Variants in ITCH observed in about 807,000 individuals in gnomAD.
ITCH encodes the protein itchy E3 ubiquitin protein ligase, also known as E3 ubiquitin-protein ligase Itchy homolog.
A neutral mutation model predicts 126.8 loss-of-function variants in ITCH; 28 were observed. The ratio of observed to expected loss-of-function variants is 0.22; its 90% CI spans 0.16 to 0.30. The LOEUF is 0.30. Among genes scored for constraint, ITCH ranks in the 10% least tolerant of loss-of-function variants. The pLI is 1.00. For synonymous variants in ITCH, 342 were observed against 340.0 expected (o/e 1.01, Z -0.06); for missense variants, 631 against 1,032.4 (o/e 0.61, Z 5.33).
At chr20:34,467,047 A>G (rs1472381933) in intron 14 of ITCH, among the ~76,000 whole-genome samples, 3 of 152,184 alleles carry the variant, frequency 2.0e-5, no homozygotes, top group Non-Finnish European at 4.4e-5. Flanking sequence ...ACCTATAGAG[A>G]AAAAAAGAGG....
At chr20:34,495,294 A>AAAATAT (rs1555885664) in intron 23 of ITCH, among the ~76,000 whole-genome samples, 1 of 120,528 alleles carries the variant, frequency 8.3e-6, no homozygotes, top group African/African-American at 3.1e-5. Context: ...AAATAAATAA[A>AAAATAT]ATATATATAT....
intron 24 of ITCH, 44 bp from the exon 25 acceptor site, chr20:34,507,651 C>A: frequency 6.9e-7 from 1 of 1,451,780 alleles, no homozygotes; most frequent in Non-Finnish European, 9.7e-7. Context: ...TCATTTGATT[C>A]TTTGCATATT....
chr20:34,488,300 A>T (rs368860069), intron 20 of ITCH, among the ~76,000 whole-genome samples: 1 of 152,024 alleles, frequency 6.6e-6, no homozygotes, highest in East Asian at 1.9e-4. Flanking sequence ...TTTGAAGGAT[A>T]TTGTCACTAG....
At chr20:34,383,362 ATTTT>A (rs34783163) in intron 2 of ITCH, among the ~76,000 whole-genome samples, 4 of 109,462 alleles carry the variant, frequency 3.7e-5, no homozygotes, top group East Asian at 2.8e-4. Flanking sequence ...GGCTTGATAG[ATTTT>A]TTTTTTTTTT....
intron 20 of ITCH, among the ~76,000 whole-genome samples, chr20:34,487,005 T>C (rs1396684038): frequency 6.8e-6 from 1 of 147,422 alleles, no homozygotes; most frequent in Non-Finnish European, 1.5e-5. Flanking sequence ...TTAAAAGTAT[T>C]TGTTAGGTTT....
intron 12 of ITCH, 41 bp from the exon 13 acceptor site, chr20:34,457,349 T>A (rs1266886676): frequency 1.2e-5 from 16 of 1,296,830 alleles, no homozygotes; most frequent in Non-Finnish European, 1.8e-5. Flanking sequence ...ACTATGCCAA[T>A]GCTAATGCTT....
rs1978770752 is a variant in ITCH, at chr20:34,511,207, C to G, written c.*3413C>G. ...CATTAACTAAAAATGGAATTGGCAG[C>G]ACTGGATTGTATATTACTGTATTAA... is the stretch of plus-strand genomic sequence containing the variant. On this transcript the variant is annotated 3_prime_UTR_variant, in exon 25 of 25. Transcript: ENST00000374864. 6.6e-6 allele frequency: 1 copy of G among 152,094 alleles called. No homozygotes were observed. The highest frequency in any genetic ancestry group is 2.4e-5 in the African/African-American group (1 of 41,404). The allele number at this position is 152,094 out of a possible 1,614,324, so 9.4% of individuals were successfully genotyped here.
In ITCH at chr20:34,477,760, A is replaced by T. The variant is rs1988373946; in HGVS notation, c.1570-12A>T. The T allele has an allele frequency of 1.3e-6, 2 of 1,591,962 alleles. No individual in the cohort carries two copies. The highest frequency in any genetic ancestry group is 1.7e-6 in the Non-Finnish European group (2 of 1,162,628). On this transcript the variant is annotated splice_polypyrimidine_tract_variant and intron_variant, in intron 16 of 24. Coordinates refer to ENST00000374864, the MANE Select transcript of ITCH (RefSeq NM_031483.7). ...CTTTTTTCACCAATTATTTTACTTT[A>T]TTTTTTTTTAGATAATGAGCTTCAG... is the stretch of plus-strand genomic sequence containing the variant.
intron 20 of ITCH, among the ~76,000 whole-genome samples, chr20:34,483,459 A>G (rs566496155): frequency 2.6e-4 from 39 of 152,288 alleles, no homozygotes; most frequent in Non-Finnish European, 4.1e-4. Context: ...CTCAAGTACA[A>G]TCGTCTCTCT....
chr20:34,376,449 A>AAAATAAATAAAT (rs772320833), intron 2 of ITCH, among the ~76,000 whole-genome samples: 3 of 151,492 alleles, frequency 2.0e-5, no homozygotes, highest in South Asian at 2.1e-4. Flanking sequence ...CCGTGTCTCA[A>AAAATAAATAAAT]AAATAAATAC....
At chr20:34,414,711 C>A (rs969803051) in intron 6 of ITCH, among the ~76,000 whole-genome samples, 16 of 151,922 alleles carry the variant, frequency 1.1e-4, no homozygotes, top group Non-Finnish European at 2.1e-4. Context: ...AACTCTTGAC[C>A]TCAGGTGATC....
chr20:34,448,388 A>G (rs1984732859), intron 11 of ITCH, among the ~76,000 whole-genome samples: 2 of 151,948 alleles, frequency 1.3e-5, no homozygotes, highest in South Asian at 4.1e-4. Flanking sequence ...GTGAGACTCC[A>G]TCTCAAAAAA....
At chr20:34,474,444 G>C (rs1987939561) in intron 16 of ITCH, among the ~76,000 whole-genome samples, 2 of 152,210 alleles carry the variant, frequency 1.3e-5, no homozygotes, top group African/African-American at 4.8e-5. Context: ...ACCATGAGTG[G>C]ACGCAGCACA....
At chr20:34,492,072 G>A (rs565160649) in intron 22 of ITCH, among the ~76,000 whole-genome samples, 6 of 152,244 alleles carry the variant, frequency 3.9e-5, no homozygotes, top group Non-Finnish European at 8.8e-5. Flanking sequence ...CGTGAGTACG[G>A]AGCTCTTGGT....
At chr20:34,447,849 A>G (rs1490681552) in intron 11 of ITCH, among the ~76,000 whole-genome samples, 1 of 152,162 alleles carries the variant, frequency 6.6e-6, no homozygotes, top group Non-Finnish European at 1.5e-5. Flanking sequence ...AAACCTCATC[A>G]ATCAACCAGG....
chr20:34,489,031 C>G (rs1989332086), intron 20 of ITCH, among the ~76,000 whole-genome samples: 1 of 152,078 alleles, frequency 6.6e-6, no homozygotes, highest in African/African-American at 2.4e-5. Flanking sequence ...AGAGTGAGAC[C>G]TCATCTCAAA....
chr20:34,373,775 G>C (rs2037731070), intron 2 of ITCH, among the ~76,000 whole-genome samples: 1 of 152,074 alleles, frequency 6.6e-6, no homozygotes, highest in African/African-American at 2.4e-5. Context: ...TCTACATATT[G>C]AGCTTAACTC....
chr20:34,413,131 T>G (rs1214125743), intron 5 of ITCH, among the ~76,000 whole-genome samples: 4 of 152,126 alleles, frequency 2.6e-5, no homozygotes, highest in Admixed American at 2.6e-4. Flanking sequence ...GTGATTATCC[T>G]GCCTCAGCCT....
At position 34,381,309 on chromosome 20, in the gene ITCH, G is replaced by A. The variant is rs140162325; in HGVS notation, c.-22+11839G>A. Among the ~76,000 whole-genome samples, 582 of 152,010 alleles carry A rather than the reference G, an allele frequency of 3.8e-3. 5 individuals carry two copies. The highest frequency in any genetic ancestry group is 0.013 in the African/African-American group (542 of 41,466). On this transcript the variant is annotated intron_variant, in intron 2 of 24. Coordinates refer to ENST00000374864, the MANE Select transcript of ITCH (RefSeq NM_031483.7). Reference sequence around the variant, plus strand: ...TTGTTTGTTTGTTTTTTGAGATGGAGTCTTGTTCTGTTGCCCAGGCTGGAG... The same window carrying A: ...TTGTTTGTTTGTTTTTTGAGATGGAATCTTGTTCTGTTGCCCAGGCTGGAG...
Sources: gnomAD v4.1 joint callset for allele counts (sites outside exome capture counted in the v4.1 genomes callset) on GRCh38, gnomAD v4.1.1 for gene constraint, MANE v1.5 for transcripts, NCBI Gene and HGNC (gene_info 2026-07-23, HGNC 2026-07-21) for gene names.